The following FAM184A variants were observed in gnomAD, a reference collection of about 807,000 sequenced individuals.
FAM184A encodes the protein protein FAM184A.
FAM184A carries 99 observed loss-of-function variants against 143.8 expected under a neutral mutation model. The observed-to-expected ratio is 0.69, with a 90% CI of 0.58 to 0.81. The LOEUF (loss-of-function observed/expected upper bound fraction) is 0.81. Among genes scored for constraint, FAM184A ranks in the 40% least tolerant of loss-of-function variants. The pLI is 0.00. For missense variants in FAM184A, 1,217 were observed against 1,310.5 expected (o/e 0.93, Z 1.10); for synonymous variants, 427 against 446.4 (o/e 0.96, Z 0.55).
intron 4 of FAM184A, among the ~76,000 whole-genome samples, chr6:119,017,568 C>T (rs1387390103): frequency 6.6e-6 from 1 of 151,910 alleles, no homozygotes; most frequent in African/African-American, 2.4e-5. Context: ...ACCAGTTAAC[C>T]CACTCAAAGG....
chr6:119,012,410 G>T (rs1785116182), intron 5 of FAM184A, among the ~76,000 whole-genome samples: 1 of 152,196 alleles, frequency 6.6e-6, no homozygotes, highest in South Asian at 2.1e-4. Flanking sequence ...CACATGGGGT[G>T]AAGTCTGCCA....
intron 4 of FAM184A, among the ~76,000 whole-genome samples, chr6:119,018,509 T>TA (rs572225532): frequency 3.3e-4 from 50 of 152,302 alleles, no homozygotes; most frequent in African/African-American, 1.2e-3. Flanking sequence ...TACAAGGTGA[T>TA]AAAGTGGTGA....
chr6:119,065,131 G>C (rs1787396173), intron 1 of FAM184A, among the ~76,000 whole-genome samples: 1 of 152,098 alleles, frequency 6.6e-6, no homozygotes, highest in Non-Finnish European at 1.5e-5. Flanking sequence ...ACTGTACCAT[G>C]GTTGGTCCAT....
At chr6:119,066,626 C>G (rs74898218) in intron 1 of FAM184A, among the ~76,000 whole-genome samples, 1,883 of 152,296 alleles carry the variant, frequency 0.012, 16 homozygotes, top group Middle Eastern at 0.034. Context: ...TAAAGATATA[C>G]ATGGTCCTAA....
At chr6:119,117,774 T>A (rs1401213715) in intron 1 of FAM184A, among the ~76,000 whole-genome samples, 4 of 152,190 alleles carry the variant, frequency 2.6e-5, no homozygotes, top group Non-Finnish European at 4.4e-5. Flanking sequence ...TCCTTTTTAG[T>A]GATTAATTTA....
intron 1 of FAM184A, among the ~76,000 whole-genome samples, chr6:119,094,343 C>T (rs1418766642): frequency 6.6e-6 from 1 of 152,126 alleles, no homozygotes; most frequent in African/African-American, 2.4e-5. Flanking sequence ...TCGTCTTTTT[C>T]TTTGAGGCAG....
chr6:119,010,986 A>T (rs904348363), intron 6 of FAM184A, among the ~76,000 whole-genome samples: 1 of 152,178 alleles, frequency 6.6e-6, no homozygotes, highest in African/African-American at 2.4e-5. Context: ...TTGAAATTGT[A>T]GAAAAAGAGG....
chr6:119,037,936 A>G (rs1786173327), intron 1 of FAM184A, among the ~76,000 whole-genome samples: 3 of 152,200 alleles, frequency 2.0e-5, no homozygotes, highest in African/African-American at 7.2e-5. Context: ...GAATCTCAAT[A>G]TGTGAGGACA....
chr6:119,058,844 C>T (rs951208777), intron 1 of FAM184A, among the ~76,000 whole-genome samples: 1 of 152,182 alleles, frequency 6.6e-6, no homozygotes, highest in African/African-American at 2.4e-5. Flanking sequence ...CAATTATACC[C>T]AGCCATTTGA....
At chr6:119,102,805 AAAG>A (rs1788678489) in intron 1 of FAM184A, among the ~76,000 whole-genome samples, 1 of 145,212 alleles carries the variant, frequency 6.9e-6, no homozygotes, top group African/African-American at 2.5e-5. Flanking sequence ...AAAAAAAAAA[AAAG>A]AAAAGAAAAA....
intron 14 of FAM184A, among the ~76,000 whole-genome samples, chr6:118,973,725 A>G (rs1231000722): frequency 6.6e-6 from 1 of 152,170 alleles, no homozygotes; most frequent in Non-Finnish European, 1.5e-5. Context: ...CATTAGCTAC[A>G]TCAGTTTACA....
At chr6:119,011,822 G>A (rs1278870171) in intron 5 of FAM184A, among the ~76,000 whole-genome samples, 2 of 152,118 alleles carry the variant, frequency 1.3e-5, no homozygotes, top group African/African-American at 2.4e-5. Flanking sequence ...TCTAGCACTG[G>A]AACACAGTAG....
At chr6:119,035,973 T>C (rs1365133058) in intron 1 of FAM184A, among the ~76,000 whole-genome samples, 2 of 152,200 alleles carry the variant, frequency 1.3e-5, no homozygotes, top group African/African-American at 2.4e-5. Context: ...TGGTCACTCA[T>C]ATTTGGCTCA....
chr6:119,138,551 A>T (rs773416580), intron 1 of FAM184A, among the ~76,000 whole-genome samples: 8 of 151,880 alleles, frequency 5.3e-5, no homozygotes, highest in Non-Finnish European at 1.2e-4. Context: ...TCTTTCTCAC[A>T]TTTCACCACT....
At chr6:118,993,589 A>G (rs1446321911) in intron 9 of FAM184A, among the ~76,000 whole-genome samples, 1 of 152,216 alleles carries the variant, frequency 6.6e-6, no homozygotes, top group Non-Finnish European at 1.5e-5. Flanking sequence ...ATGATTAACA[A>G]ATGTTTATTC....
At chr6:119,070,901 G>A (rs545583834) in intron 1 of FAM184A, among the ~76,000 whole-genome samples, 9 of 138,400 alleles carry the variant, frequency 6.5e-5, no homozygotes, top group Admixed American at 5.7e-4. Flanking sequence ...TGCTTATGAA[G>A]ATTTTCTTTA....
At chr6:119,005,954 C>T in intron 7 of FAM184A, 1 of 587,988 alleles carries the variant, frequency 1.7e-6, no homozygotes, top group Non-Finnish European at 3.1e-6. Flanking sequence ...ATCGGTTGAA[C>T]TGGGTCCCCA....
intron 9 of FAM184A, among the ~76,000 whole-genome samples, chr6:119,002,109 A>C (rs867310340): frequency 6.6e-5 from 10 of 152,316 alleles, no homozygotes; most frequent in Middle Eastern, 3.4e-3. Context: ...GCTATGTAAC[A>C]AATGATCTTA....
chr6:119,015,489 T>C (rs1332596890), intron 5 of FAM184A, among the ~76,000 whole-genome samples: 1 of 152,118 alleles, frequency 6.6e-6, no homozygotes, highest in Non-Finnish European at 1.5e-5. Flanking sequence ...GCGGAGGGTG[T>C]ACTGGGTCCC....
Sources: gnomAD v4.1 joint callset for allele counts (sites outside exome capture counted in the v4.1 genomes callset) on GRCh38, gnomAD v4.1.1 for gene constraint, MANE v1.5 for transcripts, NCBI Gene and HGNC (gene_info 2026-07-23, HGNC 2026-07-21) for gene names.